GYG1: variants seen among roughly 807,000 people sequenced by gnomAD.
GYG1 encodes the protein glycogenin 1, also known as glycogenin-1.
In GYG1, 44 loss-of-function variants were observed where a neutral mutation model predicts 41.9. The observed-to-expected ratio is 1.05, with a 90% CI of 0.83 to 1.35. The LOEUF (loss-of-function observed/expected upper bound fraction) is 1.35, where lower values mean the gene tolerates loss of function less well. Ranked by LOEUF, GYG1 falls within the 40% of genes most tolerant of loss-of-function variation. The pLI, the probability that GYG1 is intolerant of heterozygous loss-of-function variation, is 0.00. For missense variants in GYG1, 429 were observed against 418.9 expected (o/e 1.02, Z -0.21); for synonymous variants, 141 against 158.1 (o/e 0.89, Z 0.81).
At chr3:148,992,421 T>A (rs1559995039) in intron 1 of GYG1, 2 of 152,454 alleles carry the variant, frequency 1.3e-5, no homozygotes, top group East Asian at 3.9e-4. Context: ...TTAGGAAGAT[T>A]AAACTCCTAC....
At chr3:149,008,494 A>AT (rs975178264) in intron 4 of GYG1, among the ~76,000 whole-genome samples, 15 of 152,070 alleles carry the variant, frequency 9.9e-5, no homozygotes, top group Admixed American at 2.6e-4. Context: ...CCCCATCGGC[A>AT]TTTTTCAGGT....
At chr3:149,003,529 C>A (rs559621810) in intron 4 of GYG1, among the ~76,000 whole-genome samples, 1 of 152,258 alleles carries the variant, frequency 6.6e-6, no homozygotes, top group South Asian at 2.1e-4. Flanking sequence ...AAATGTTAGA[C>A]ATTTTTTATA....
intron 5 of GYG1, among the ~76,000 whole-genome samples, chr3:149,010,625 C>A (rs768882385): frequency 6.6e-6 from 1 of 151,236 alleles, no homozygotes; most frequent in Non-Finnish European, 1.5e-5. Flanking sequence ...CTGCTCCCGG[C>A]CCCTGGTGCA....
At chr3:148,996,020 T>C (rs950885558) in intron 2 of GYG1, among the ~76,000 whole-genome samples, 1 of 152,170 alleles carries the variant, frequency 6.6e-6, no homozygotes, top group Non-Finnish European at 1.5e-5. Flanking sequence ...TACAATAAAA[T>C]ACAAAAACCC....
intron 6 of GYG1, among the ~76,000 whole-genome samples, chr3:149,026,029 C>A (rs1284316250): frequency 1.3e-5 from 2 of 152,134 alleles, no homozygotes; most frequent in African/African-American, 4.8e-5. Flanking sequence ...GTTGCCTCAG[C>A]TATAATGCAG....
At chr3:149,014,080 T>G (rs1161136492) in intron 5 of GYG1, among the ~76,000 whole-genome samples, 1 of 151,998 alleles carries the variant, frequency 6.6e-6, no homozygotes, top group Non-Finnish European at 1.5e-5. Flanking sequence ...TACAGTTTCT[T>G]GTATGGCACA....
Position 148,999,029 on chromosome 3 carries a change from C to T in GYG1, c.481+2125C>T, listed in dbSNP as rs189291887. ...ATGTAAAGAGAATCCAATTTCTAAC[C>T]TAGAAAACGATTAGATGTTATTGAG... On this transcript the variant is annotated intron_variant, in intron 4 of 7. Transcript: ENST00000345003. 2.4e-3 allele frequency among the ~76,000 whole-genome samples: 361 copies of T among 152,296 alleles called. 1 individual carries two copies. The highest frequency in any genetic ancestry group is 3.4e-3 in the Non-Finnish European group (234 of 68,010).
chr3:149,027,071 A>G lies in GYG1; in HGVS notation c.*138A>G. On this transcript the variant is annotated 3_prime_UTR_variant, in exon 8 of 8. Transcript: ENST00000345003. ...AACTTATCAGATGAGAGGCTTTTTT[A>G]GGATAAGAGGTGAGAACTGGGCAAA... The G allele has an allele frequency of 1.2e-6, 1 of 866,274 alleles. No individual in the cohort carries two copies. Among genetic ancestry groups the G allele is most frequent in the Non-Finnish European group, 1.8e-6 (1 of 542,676 alleles). The allele number at this position is 866,274 out of a possible 1,614,324, so 53.7% of individuals were successfully genotyped here.
rs1019422945 is a variant in GYG1, at chr3:149,006,042, T to C, written c.482-3234T>C. ...GGTGTGACTACCACCATAGTCAAGA[T>C]GCAGAGTAGTTCCATCACAAGGACC... On this transcript the variant is annotated intron_variant, in intron 4 of 7. Coordinates refer to ENST00000345003, the MANE Select transcript of GYG1 (RefSeq NM_004130.4). Among the ~76,000 whole-genome samples, 14 of 151,988 alleles carry C rather than the reference T, an allele frequency of 9.2e-5. No homozygotes were observed. The East Asian group carries it at 2.7e-3, about 29-fold the overall frequency.
chr3:149,013,348 G>C (rs963729176), intron 5 of GYG1, among the ~76,000 whole-genome samples: 1 of 152,012 alleles, frequency 6.6e-6, no homozygotes, highest in Non-Finnish European at 1.5e-5. Context: ...TTTAAAAATC[G>C]TTTAGTTTCA....
intron 5 of GYG1, among the ~76,000 whole-genome samples, chr3:149,017,582 G>GTTTTTTTTTTTTTTTTTTTT (rs58075146): frequency 4.2e-5 from 2 of 47,330 alleles, no homozygotes; most frequent in African/African-American, 1.1e-4. Context: ...TTTTATTTAG[G>GTTTTTTTTTTTTTTTTTTTT]TTTTTTTTTT....
At chr3:149,008,889 G>T in intron 4 of GYG1, 1 of 208,706 alleles carries the variant, frequency 4.8e-6, no homozygotes, top group Non-Finnish European at 9.8e-6. Flanking sequence ...CGGGCGTGAT[G>T]GCTCACGTTG....
intron 2 of GYG1, among the ~76,000 whole-genome samples, chr3:148,995,660 C>G (rs551089669): frequency 2.6e-5 from 4 of 152,270 alleles, no homozygotes; most frequent in African/African-American, 9.6e-5. Context: ...TGAACTGTAC[C>G]ATATTTTTGT....
chr3:149,029,514 C>CAT lies in GYG1; in HGVS notation c.*2582_*2583dup, dbSNP rs970191299. Among the ~76,000 whole-genome samples the CAT allele has an allele frequency of 2.0e-5, 3 of 152,094 alleles. No homozygotes were observed. Among genetic ancestry groups the CAT allele is most frequent in the African/African-American group, 7.3e-5 (3 of 41,356 alleles). ...ACCCATATTGTCCTGCTGTATAACA[C>CAT]ATTTTGCAGATATTTTGAAGTTAAT... is the stretch of plus-strand genomic sequence containing the variant. On this transcript the variant is annotated 3_prime_UTR_variant, in exon 8 of 8. Coordinates refer to ENST00000345003, the MANE Select transcript of GYG1 (RefSeq NM_004130.4).
rs952386181 is a variant in GYG1 at position 149,029,735 on chromosome 3, TACTC to T, written c.*2806_*2809del. Among the ~76,000 whole-genome samples, 13 of 152,354 alleles carry T rather than the reference TACTC, an allele frequency of 8.5e-5. No individual in the cohort carries two copies. The East Asian group carries it at 1.2e-3, about 14-fold the overall frequency. ...AGCACACACTGCCGAAGATCATTAG[TACTC>T]ACTGGTAACAAACTACATAGGGTTA... On this transcript the variant is annotated 3_prime_UTR_variant, in exon 8 of 8. Transcript: ENST00000345003.
intron 1 of GYG1, among the ~76,000 whole-genome samples, chr3:148,993,079 A>G (rs1022949394): frequency 1.3e-5 from 2 of 152,074 alleles, no homozygotes; most frequent in Admixed American, 1.3e-4. Flanking sequence ...GACTCCTACC[A>G]GAACTTGATC....
At chr3:149,018,105 G>C (rs1434827507) in intron 5 of GYG1, among the ~76,000 whole-genome samples, 2 of 151,932 alleles carry the variant, frequency 1.3e-5, no homozygotes, top group Non-Finnish European at 2.9e-5. Flanking sequence ...ATTTTGGTAT[G>C]GTAATTCTCG....
rs1371218892 is a variant in GYG1 at position 148,996,452 on chromosome 3, T to C, written c.294T>C (p.Cys98=). The C allele has an allele frequency of 1.2e-6, 2 of 1,613,896 alleles. No individual in the cohort carries two copies. Among genetic ancestry groups the C allele is most frequent in the African/African-American group, 2.7e-5 (2 of 74,912 alleles). ...HCWSLTQYSK[C]VFMDADTLVL... ...GGTCGCTTACACAGTATTCAAAATG[T>C]GTATTCATGGATGCAGATACTCTGG... The change falls in exon 3 of 8, where the codon TGT becomes TGC. Residue 98 remains cysteine (C), a synonymous_variant. Coordinates refer to ENST00000345003, the MANE Select transcript of GYG1 (RefSeq NM_004130.4).
In GYG1 at chr3:149,026,841, C is replaced by T. The variant is rs138596591; in HGVS notation, c.961C>T (p.Arg321Trp). The T allele has an allele frequency of 3.3e-5, 53 of 1,613,876 alleles. No individual in the cohort carries two copies. In the African/African-American group the frequency reaches 3.3e-4, roughly 10 times the overall value. ...MAQPFVSSEE[R>W]KERWEQGQAD... is the part of the protein sequence containing the mutation. The stretch of plus-strand genomic sequence containing the variant: ...ACAGCCGTTTGTATCCTCGGAAGAA[C>T]GGAAGGAACGATGGGAACAGGGCCA... The change falls in exon 8 of 8, where the codon CGG becomes TGG. Residue 321 changes from arginine (R) to tryptophan (W), a missense_variant. Coordinates refer to ENST00000345003, the MANE Select transcript of GYG1 (RefSeq NM_004130.4).
Sources: gnomAD v4.1 joint callset for allele counts (sites outside exome capture counted in the v4.1 genomes callset) on GRCh38, gnomAD v4.1.1 for gene constraint, MANE v1.5 for transcripts, NCBI Gene and HGNC (gene_info 2026-07-23, HGNC 2026-07-21) for gene names.